The following HERC2 variants were observed in gnomAD, a reference collection of about 807,000 sequenced individuals.
The protein encoded by HERC2 is HECT and RLD domain containing E3 ubiquitin protein ligase 2.
A neutral mutation model predicts 537.7 loss-of-function variants in HERC2; 102 were observed. That is an observed-to-expected ratio of 0.19 (90% CI 0.16 to 0.22). The LOEUF (loss-of-function observed/expected upper bound fraction) is 0.22, where lower values mean the gene tolerates loss of function less well. Ranked by LOEUF, HERC2 falls within the 10% of genes least tolerant of loss-of-function variation. HERC2 has a pLI of 1.00. For synonymous variants in HERC2, 2,224 were observed against 2,466.2 expected, an observed-to-expected ratio of 0.90 and a Z score of 2.91; for missense variants, 4,236 against 6,198.2, an observed-to-expected ratio of 0.68 and a Z score of 10.63.
At position 28,252,402 on chromosome 15, in the gene HERC2, A is replaced by G. The variant is rs74447445; in HGVS notation, c.3050+1938T>C. Among the ~76,000 whole-genome samples, 594 of 152,302 alleles carry G rather than the reference A, an allele frequency of 3.9e-3. 1 individual carries two copies. The highest frequency in any genetic ancestry group is 7.2e-3 in the Non-Finnish European group (487 of 68,014). ...CCCCTGCCAAAGACACCAATAGCCC[A>G]TGAAGCAGCCTCCTCAGAAAAGGGA... On this transcript the variant is annotated intron_variant, in intron 20 of 92. Transcript: ENST00000261609.
At chr15:28,256,442 A>T (rs980852051) in intron 17 of HERC2, 125 bp from the exon 18 acceptor site, 1 of 782,930 alleles carries the variant, frequency 1.3e-6, no homozygotes, top group Non-Finnish European at 2.0e-6. Context: ...CAGTTTATGT[A>T]TTTTTAAAAA....
At chr15:28,247,277 T>C (rs1903797937) in intron 21 of HERC2, among the ~76,000 whole-genome samples, 1 of 151,668 alleles carries the variant, frequency 6.6e-6, no homozygotes, top group African/African-American at 2.4e-5. Context: ...TCTACAGGCA[T>C]GCACTACCAC....
rs1897574948 is a variant in HERC2, at chr15:28,198,520, C to T, written c.7886-17G>A. ...GAGGATAGCCTACAGATGTCAATAA[C>T]AAATCATTATAATCAATATTCATTT... On this transcript the variant is annotated splice_polypyrimidine_tract_variant and intron_variant, in intron 49 of 92. Transcript: ENST00000261609. 1 of 1,612,336 alleles carries T rather than the reference C, an allele frequency of 6.2e-7. No homozygotes were observed. Among genetic ancestry groups the T allele is most frequent in the African/African-American group, 1.3e-5 (1 of 74,744 alleles).
rs769917382 is a variant in HERC2, at chr15:28,130,317, A to G, written c.12663-15T>C. 1.2e-6 allele frequency: 2 copies of G among 1,614,112 alleles called. No homozygotes were observed. Among genetic ancestry groups the G allele is most frequent in the South Asian group, 2.2e-5 (2 of 91,086 alleles). Reference sequence around the variant, plus strand: ...CGCCTTTGCCCCTGCACACAAAGGAAGCATGGAAATTATGGGGCAAGGTGA... The same window carrying G: ...CGCCTTTGCCCCTGCACACAAAGGAGGCATGGAAATTATGGGGCAAGGTGA... On this transcript the variant is annotated splice_polypyrimidine_tract_variant and intron_variant, in intron 82 of 92. Transcript: ENST00000261609.
chr15:28,244,458 G>T (rs1387539145), intron 23 of HERC2, among the ~76,000 whole-genome samples: 1 of 152,134 alleles, frequency 6.6e-6, no homozygotes, highest in Non-Finnish European at 1.5e-5. Flanking sequence ...GCCTGGGGAA[G>T]GGCACTTTTC....
chr15:28,316,543 T>C (rs1479456358), intron 2 of HERC2, among the ~76,000 whole-genome samples: 1 of 152,232 alleles, frequency 6.6e-6, no homozygotes, highest in Non-Finnish European at 1.5e-5. Context: ...ACAGGGTTAC[T>C]ACATCTTTTT....
intron 72 of HERC2, 115 bp from the exon 73 acceptor site, chr15:28,144,350 C>T (rs1891520442): frequency 9.0e-7 from 1 of 1,106,684 alleles, no homozygotes; most frequent in Non-Finnish European, 1.3e-6. Context: ...AAGGCAACAG[C>T]TGGTGTGCCC....
rs188086401 is a variant in HERC2, at chr15:28,144,809, G to A, written c.11009-5C>T. On this transcript the variant is annotated splice_region_variant and splice_polypyrimidine_tract_variant and intron_variant, in intron 71 of 92. Transcript: ENST00000261609. The stretch of plus-strand genomic sequence containing the variant: ...ACCAGTCGGACCACTCTCGGCCTGC[G>A]GGAGGAAAGCGCACCCCGGGGTTAG... The A allele has an allele frequency of 4.2e-4, 677 of 1,614,086 alleles. 1 individual carries two copies. In the African/African-American group the frequency reaches 7.7e-3, roughly 18 times the overall value.
chr15:28,249,579 G>C (rs1904071495), intron 20 of HERC2, among the ~76,000 whole-genome samples: 1 of 152,116 alleles, frequency 6.6e-6, no homozygotes, highest in African/African-American at 2.4e-5. Context: ...TCAGGCTGTG[G>C]GACCAGAGTC....
At chr15:28,204,616 CAAA>C (rs55840834) in intron 45 of HERC2, among the ~76,000 whole-genome samples, 9 of 51,246 alleles carry the variant, frequency 1.8e-4, no homozygotes, top group East Asian at 5.3e-4. Flanking sequence ...GAGACTCCGT[CAAA>C]AAAAAAAAAA....
chr15:28,139,582 A>C (rs1329469643), intron 78 of HERC2, among the ~76,000 whole-genome samples: 1 of 152,186 alleles, frequency 6.6e-6, no homozygotes, highest in Non-Finnish European at 1.5e-5. Context: ...TGAAATAATA[A>C]ATGTGTGTGA....
chr15:28,180,005 T>C (rs1178502451), intron 57 of HERC2, among the ~76,000 whole-genome samples: 1 of 152,170 alleles, frequency 6.6e-6, no homozygotes, highest in Non-Finnish European at 1.5e-5. Flanking sequence ...CCTAAGCATA[T>C]AGTGTTTCTA....
chr15:28,149,685 G>A (rs890836789), intron 70 of HERC2, among the ~76,000 whole-genome samples: 5 of 151,474 alleles, frequency 3.3e-5, no homozygotes, highest in Admixed American at 6.6e-5. Context: ...TTCTAACCGA[G>A]AACATCACTT....
chr15:28,141,489 T>C lies in HERC2; in HGVS notation c.11958A>G (p.Arg3986=). 2 of 1,614,094 alleles carry C rather than the reference T, an allele frequency of 1.2e-6. No homozygotes were observed. The highest frequency in any genetic ancestry group is 1.7e-6 in the Non-Finnish European group (2 of 1,180,018). The part of the protein sequence containing the change: ...PTPCEALATL[R]PVQLIGGEQT... ...GTTCCCCTCCGATTAACTGCACGGG[T>C]CTGAGAGTTGCAAGGGCTTCACAGG... The change falls in exon 78 of 93, where the codon AGA becomes AGG. Residue 3986 remains arginine, a synonymous_variant. Transcript: ENST00000261609.
intron 86 of HERC2, chr15:28,117,578 C>T (rs1888415505): frequency 2.1e-6 from 1 of 473,596 alleles, no homozygotes; most frequent in Non-Finnish European, 4.2e-6. Flanking sequence ...AAGCAGCTCC[C>T]CCAGCAGACC....
At chr15:28,199,758 A>T (rs1261789078) in intron 48 of HERC2, among the ~76,000 whole-genome samples, 2 of 152,174 alleles carry the variant, frequency 1.3e-5, no homozygotes. Flanking sequence ...ATGCCTATGA[A>T]GCTTCCTGCC....
chr15:28,119,809 T>C (rs1888685622), intron 86 of HERC2, among the ~76,000 whole-genome samples: 1 of 152,174 alleles, frequency 6.6e-6, no homozygotes, highest in African/African-American at 2.4e-5. Context: ...ATACTGAACG[T>C]TTTTGTAACA....
chr15:28,202,349 G>T lies in HERC2; in HGVS notation c.7478C>A (p.Pro2493His). The T allele has an allele frequency of 6.2e-7, 1 of 1,613,876 alleles. No individual in the cohort carries two copies. The highest frequency in any genetic ancestry group is 8.5e-7 in the Non-Finnish European group (1 of 1,179,818). Residue 2493 changes from proline to histidine, a missense_variant and splice_region_variant, in exon 46 of 93, where the codon CCT becomes CAT. Coordinates refer to ENST00000261609, the MANE Select transcript of HERC2 (RefSeq NM_004667.6). ...TGASGNASSLPGVEALVGWLL... is the reference protein window; with the variant it reads ...TGASGNASSLHGVEALVGWLL... Reference sequence around the variant, plus strand: ...CAGAGGCCAGGAAAACGAAGTACCAGGCAAGCTGGATGCATTCCCGGAAGC... The same window carrying T: ...CAGAGGCCAGGAAAACGAAGTACCATGCAAGCTGGATGCATTCCCGGAAGC...
At chr15:28,287,146 C>G (rs1195472203) in intron 4 of HERC2, among the ~76,000 whole-genome samples, 2 of 151,946 alleles carry the variant, frequency 1.3e-5, no homozygotes, top group African/African-American at 4.8e-5. Context: ...TCAAACATAT[C>G]TAAGCAAAAG....
Sources: allele counts gnomAD v4.1 joint callset (sites outside exome capture counted in the v4.1 genomes callset), GRCh38; gene constraint gnomAD v4.1.1; transcripts MANE v1.5; gene names NCBI Gene and HGNC (gene_info 2026-07-23, HGNC 2026-07-21).